CFAP70: variants seen among roughly 807,000 people sequenced by gnomAD.
CFAP70 encodes the protein cilia and flagella associated protein 70.
CFAP70 carries 81 observed loss-of-function variants against 137.6 expected under a neutral mutation model. The ratio of observed to expected loss-of-function variants is 0.59; its 90% confidence interval spans 0.49 to 0.71. CFAP70 has a LOEUF of 0.71. Ranked by LOEUF, CFAP70 falls within the 30% of genes least tolerant of loss-of-function variation. CFAP70 has a pLI of 0.00. For synonymous variants in CFAP70, 382 were observed against 423.6 expected (o/e 0.90, Z 1.20); for missense variants, 976 against 1,226.7 (o/e 0.80, Z 3.05).
intron 12 of CFAP70, among the ~76,000 whole-genome samples, chr10:73,309,511 T>C (rs1374422570): frequency 2.0e-5 from 3 of 152,100 alleles, no homozygotes; most frequent in Non-Finnish European, 2.9e-5. Flanking sequence ...CTCACTATGT[T>C]GCCCAAGCTG....
chr10:73,295,419 C>A (rs1398823956), intron 15 of CFAP70: 1 of 151,404 alleles, frequency 6.6e-6, no homozygotes. Flanking sequence ...GAAGAAAATC[C>A]CTATAACTTC....
chr10:73,312,582 A>C (rs752093675), exon 10 of CFAP70: 13 of 1,611,950 alleles, frequency 8.1e-6, no homozygotes, highest in Non-Finnish European at 1.1e-5. Flanking sequence ...AATTCCTCCT[A>C]TTTTATTATT....
chr10:73,287,660 G>T lies in CFAP70; in HGVS notation c.2239+3566C>A, dbSNP rs148594302. Among the ~76,000 whole-genome samples, 37 of 152,234 alleles carry T rather than the reference G, an allele frequency of 2.4e-4. 1 individual carries two copies. The East Asian group carries it at 6.8e-3, about 28-fold the overall frequency. The stretch of plus-strand genomic sequence containing the variant: ...AATGAGGAAGCAAAGTATGAAAGAG[G>T]AAGGCACAGAATCCAAGAAATGATG... On this transcript the variant is annotated intron_variant, in intron 19 of 26. Coordinates refer to ENST00000310715, the Ensembl canonical transcript of CFAP70.
intron 8 of CFAP70, among the ~76,000 whole-genome samples, chr10:73,323,503 G>A (rs757723433): frequency 3.9e-5 from 6 of 152,216 alleles, no homozygotes; most frequent in South Asian, 2.1e-4. Context: ...CACCGTGTGC[G>A]AGCTGAAGCA....
chr10:73,355,568 G>C (rs1021062761), intron 1 of CFAP70, among the ~76,000 whole-genome samples: 2 of 152,182 alleles, frequency 1.3e-5, no homozygotes, highest in Non-Finnish European at 2.9e-5. Flanking sequence ...ACCAAGTCAG[G>C]AGTTCGAGAT....
chr10:73,258,364 G>A (rs2044740109), intron 25 of CFAP70, among the ~76,000 whole-genome samples: 2 of 152,164 alleles, frequency 1.3e-5, no homozygotes, highest in Non-Finnish European at 2.9e-5. Flanking sequence ...AAGATTTCAT[G>A]GACATTTATC....
intron 1 of CFAP70, among the ~76,000 whole-genome samples, chr10:73,355,592 A>G (rs1403534006): frequency 2.0e-5 from 3 of 152,176 alleles, no homozygotes; most frequent in Non-Finnish European, 4.4e-5. Flanking sequence ...CCTGTCCAAT[A>G]CGGTGAAACC....
At chr10:73,350,325 CAA>C (rs2054086668) in intron 3 of CFAP70, among the ~76,000 whole-genome samples, 1 of 124,070 alleles carries the variant, frequency 8.1e-6, no homozygotes, top group African/African-American at 3.9e-5. Context: ...GATATGTTAT[CAA>C]ACTCTGTGAC....
chr10:73,262,753 G>A (rs957431637), intron 25 of CFAP70, among the ~76,000 whole-genome samples: 1 of 152,094 alleles, frequency 6.6e-6, no homozygotes, highest in African/African-American at 2.4e-5. Flanking sequence ...GGGGGTCTTG[G>A]AACATATCCC....
At chr10:73,328,427 G>C (rs1453481246) in intron 8 of CFAP70, among the ~76,000 whole-genome samples, 1 of 150,672 alleles carries the variant, frequency 6.6e-6, no homozygotes, top group Admixed American at 6.6e-5. Context: ...ACATAGGCAT[G>C]GGCAAGGACT....
intron 4 of CFAP70, among the ~76,000 whole-genome samples, chr10:73,346,542 C>T (rs141407390): frequency 2.0e-5 from 3 of 151,844 alleles, no homozygotes; most frequent in African/African-American, 7.2e-5. Flanking sequence ...ACTTGATAGG[C>T]TGAGGCAGGA....
At chr10:73,255,206 G>A (rs2044355688) in intron 26 of CFAP70, among the ~76,000 whole-genome samples, 1 of 152,168 alleles carries the variant, frequency 6.6e-6, no homozygotes, top group Non-Finnish European at 1.5e-5. Context: ...AGACCATCCT[G>A]GCTAACACGG....
intron 24 of CFAP70, among the ~76,000 whole-genome samples, chr10:73,271,893 G>T (rs557293360): frequency 2.0e-5 from 3 of 152,074 alleles, no homozygotes; most frequent in Non-Finnish European, 4.4e-5. Context: ...AGAGATGGGG[G>T]TCTTGCTCTG....
rs572115242 is a variant in CFAP70 at position 73,281,990 on chromosome 10, G to A, written c.2240-3653C>T. The stretch of plus-strand genomic sequence containing the variant: ...TGATTCTAGTGAAAGAGAAGGTGGG[G>A]AAAAGGGGCTGACTGGGTTCTCCCC... On this transcript the variant is annotated intron_variant, in intron 19 of 26. Coordinates refer to ENST00000310715, the Ensembl canonical transcript of CFAP70. Among the ~76,000 whole-genome samples, 4 of 152,328 alleles carry A rather than the reference G, an allele frequency of 2.6e-5. No individual in the cohort carries two copies. In the South Asian group the frequency reaches 8.3e-4, roughly 32 times the overall value.
exon 27 of CFAP70, chr10:73,253,980 A>G: frequency 6.2e-7 from 1 of 1,604,130 alleles, no homozygotes; most frequent in Non-Finnish European, 8.5e-7. Flanking sequence ...GGGTATCAGA[A>G]AGATGGATTT....
At position 73,335,552 on chromosome 10, in the gene CFAP70, G is replaced by A. The variant is rs201645921; in HGVS notation, c.583-28C>T. 1.0e-4 allele frequency: 154 copies of A among 1,534,982 alleles called. 2 individuals carry two copies. Among genetic ancestry groups the A allele is most frequent in the Admixed American group, 2.9e-4 (17 of 59,062 alleles). ...GTAAAATATAAATACTTCTGTTCTC[G>A]GTATGTGTGCCATGACTTCATTCTG... On this transcript the variant is annotated intron_variant, in intron 6 of 26. Coordinates refer to ENST00000310715, the Ensembl canonical transcript of CFAP70.
chr10:73,279,388 G>A (rs2047072338), intron 19 of CFAP70, among the ~76,000 whole-genome samples: 1 of 151,682 alleles, frequency 6.6e-6, no homozygotes, highest in Admixed American at 6.6e-5. Context: ...GCCGGGCCTG[G>A]TGGCGGGCGC....
chr10:73,358,174 C>T (rs530593794), intron 1 of CFAP70, among the ~76,000 whole-genome samples: 18 of 152,370 alleles, frequency 1.2e-4, no homozygotes, highest in Admixed American at 2.6e-4. Flanking sequence ...CATTTACACC[C>T]TTGAAGGCAT....
chr10:73,345,297 T>G, intron 4 of CFAP70, 53 bp from the exon 6 acceptor site: 1 of 1,489,536 alleles, frequency 6.7e-7, no homozygotes, highest in Non-Finnish European at 9.3e-7. Context: ...AGATCTTCCT[T>G]TTTTGCATTA....
Sources: allele counts gnomAD v4.1 joint callset (sites outside exome capture counted in the v4.1 genomes callset), GRCh38; gene constraint gnomAD v4.1.1; transcripts MANE v1.5; gene names NCBI Gene and HGNC (gene_info 2026-07-23, HGNC 2026-07-21).